The following NUP93 variants were observed in gnomAD, a reference collection of about 807,000 sequenced individuals.
NUP93 encodes nucleoporin 93.
Under a neutral mutation model 107.8 loss-of-function variants are expected in NUP93, and 55 were observed. That is an observed-to-expected ratio of 0.51 (90% CI 0.41 to 0.64). NUP93 has a LOEUF of 0.64. Ranked by LOEUF, NUP93 falls within the 30% of genes least tolerant of loss-of-function variation. The pLI, the probability that NUP93 is intolerant of heterozygous loss-of-function variation, is 0.00. For missense variants in NUP93, 937 were observed against 1,044.7 expected (o/e 0.90, Z 1.42); for synonymous variants, 390 against 397.5 (o/e 0.98, Z 0.22).
At chr16:56,807,000 T>C (rs1337779336) in intron 5 of NUP93, among the ~76,000 whole-genome samples, 1 of 152,212 alleles carries the variant, frequency 6.6e-6, no homozygotes, top group Non-Finnish European at 1.5e-5. Context: ...GTGTCACTTC[T>C]CTGCTCAGAA....
At chr16:56,783,703 T>G (rs1962563047) in intron 3 of NUP93, 1 of 985,262 alleles carries the variant, frequency 1.0e-6, no homozygotes. Context: ...ATGGTCGAGG[T>G]GAGCTGTATT....
rs375202262 is a variant in NUP93 at position 56,830,548 on chromosome 16, T to G, written c.948T>G (p.His316Gln). The G allele has an allele frequency of 1.3e-6, 2 of 1,590,984 alleles. No homozygotes were observed. The highest frequency in any genetic ancestry group is 2.7e-5 in the African/African-American group (2 of 74,526). The change falls in exon 10 of 22, where the codon CAT becomes CAG. Residue 316 changes from histidine to glutamine, a missense_variant. Transcript: ENST00000308159. ...PGLQDGEVEG[H>Q]PVWALIYYCM... ...TTTAGGATGGAGAGGTGGAAGGCCA[T>G]CCTGTGTGGGCGCTAATTTACTACT... is the stretch of plus-strand genomic sequence containing the variant.
At chr16:56,802,971 C>T (rs1474509494) in intron 4 of NUP93, among the ~76,000 whole-genome samples, 3 of 152,064 alleles carry the variant, frequency 2.0e-5, no homozygotes, top group African/African-American at 7.2e-5. Flanking sequence ...TCTCCCACCC[C>T]CTCCCCAGAC....
intron 5 of NUP93, among the ~76,000 whole-genome samples, chr16:56,807,711 A>G (rs1279379697): frequency 1.3e-5 from 2 of 152,078 alleles, no homozygotes; most frequent in African/African-American, 4.8e-5. Context: ...CCCTCTTTTT[A>G]AAATTTAATT....
chr16:56,755,720 C>G (rs1278130938), intron 2 of NUP93, among the ~76,000 whole-genome samples: 1 of 151,980 alleles, frequency 6.6e-6, no homozygotes, highest in Admixed American at 6.5e-5. Flanking sequence ...AGTGAAAATA[C>G]AAAAATTAGC....
chr16:56,744,349 A>G (rs1378397332), intron 1 of NUP93, among the ~76,000 whole-genome samples: 1 of 152,176 alleles, frequency 6.6e-6, no homozygotes, highest in African/African-American at 2.4e-5. Context: ...GGCTAAATTG[A>G]TATTTTGTGG....
Position 56,850,131 on chromosome 16 carries a change from CTG to C in NUP93, c.*5527_*5528del, listed in dbSNP as rs754029764. 3 of 152,092 alleles carry C rather than the reference CTG, an allele frequency of 2.0e-5. No homozygotes were observed. Among genetic ancestry groups the C allele is most frequent in the Non-Finnish European group, 4.4e-5 (3 of 68,048 alleles). The allele number at this position is 152,092 out of a possible 1,614,324, so 9.4% of individuals were successfully genotyped here. On this transcript the variant is annotated 3_prime_UTR_variant, in exon 22 of 22. Coordinates refer to ENST00000308159, the MANE Select transcript of NUP93 (RefSeq NM_014669.5). ...TCTTTTTTGCTTTTCTCGAGTCACT[CTG>C]TGTGGTGCTTGTGGGAGAAGGGAGA... is the stretch of plus-strand genomic sequence containing the variant.
intron 3 of NUP93, chr16:56,782,455 A>C (rs1399705915): frequency 2.6e-5 from 4 of 154,358 alleles, no homozygotes; most frequent in African/African-American, 9.6e-5. Context: ...GTGGGGCAGA[A>C]TTTGCTTAAA....
Position 56,844,890 on chromosome 16 carries a change from T to C in NUP93, c.*281T>C, listed in dbSNP as rs1964097262. 2.5e-6 allele frequency: 1 copy of C among 394,664 alleles called. No individual in the cohort carries two copies. Among genetic ancestry groups the C allele is most frequent in the Non-Finnish European group, 4.5e-6 (1 of 223,976 alleles). The allele number at this position is 394,664 out of a possible 1,614,324, so 24.4% of individuals were successfully genotyped here. The stretch of plus-strand genomic sequence containing the variant: ...CAGGGAATGAGAGGCTATGTAGATA[T>C]TCATTATTTGGTTAAATTGACCTTA... On this transcript the variant is annotated 3_prime_UTR_variant, in exon 22 of 22. Coordinates refer to ENST00000308159, the MANE Select transcript of NUP93 (RefSeq NM_014669.5).
intron 21 of NUP93, among the ~76,000 whole-genome samples, chr16:56,843,994 A>G (rs1303992519): frequency 6.6e-6 from 1 of 152,214 alleles, no homozygotes; most frequent in African/African-American, 2.4e-5. Flanking sequence ...AACAGGAGGA[A>G]TGAAAGGAAG....
chr16:56,774,850 A>G (rs949071863), intron 3 of NUP93, among the ~76,000 whole-genome samples: 1 of 150,350 alleles, frequency 6.7e-6, no homozygotes, highest in Non-Finnish European at 1.5e-5. Flanking sequence ...TAGAAATCAT[A>G]TGTGGGTAGT....
At chr16:56,740,527 T>G (rs1398784302) in intron 1 of NUP93, among the ~76,000 whole-genome samples, 1 of 148,586 alleles carries the variant, frequency 6.7e-6, no homozygotes, top group Non-Finnish European at 1.5e-5. Context: ...GCGGAGACGC[T>G]CCTCACTTTC....
chr16:56,748,990 G>A lies in NUP93; in HGVS notation c.179+564G>A, dbSNP rs181977743. Among the ~76,000 whole-genome samples the A allele has an allele frequency of 2.2e-4, 33 of 152,292 alleles. No individual in the cohort carries two copies. In the East Asian group the frequency reaches 6.0e-3, roughly 28 times the overall value. On this transcript the variant is annotated intron_variant, in intron 2 of 21. Transcript: ENST00000308159. ...CCAGCTGATTGTAGAACAGGAGAGT[G>A]GGTGAGCCCTAAGAGAGTGCAGCTG... is the stretch of plus-strand genomic sequence containing the variant.
chr16:56,801,143 C>T (rs145170805), intron 4 of NUP93, among the ~76,000 whole-genome samples: 39 of 152,326 alleles, frequency 2.6e-4, no homozygotes, highest in Admixed American at 1.4e-3. Context: ...CTGCTTCCCA[C>T]CTCACCTTAG....
Position 56,844,662 on chromosome 16 carries a change from A to G in NUP93, c.*53A>G, listed in dbSNP as rs1302631485. The G allele has an allele frequency of 2.7e-6, 3 of 1,126,704 alleles. No homozygotes were observed. Among genetic ancestry groups the G allele is most frequent in the Non-Finnish European group, 3.8e-6 (3 of 782,982 alleles). 69.8% of individuals were successfully genotyped at this position (1,126,704 alleles called of 1,614,324 possible). On this transcript the variant is annotated 3_prime_UTR_variant, in exon 22 of 22. Coordinates refer to ENST00000308159, the MANE Select transcript of NUP93 (RefSeq NM_014669.5). Reference sequence around the variant, plus strand: ...GGCACACTGTCAGTACATCAGGCACATGGGCCCACTAGGCTGGGGTTTCTG... The same window carrying G: ...GGCACACTGTCAGTACATCAGGCACGTGGGCCCACTAGGCTGGGGTTTCTG...
intron 20 of NUP93, among the ~76,000 whole-genome samples, chr16:56,840,371 C>T (rs570435527): frequency 6.6e-6 from 1 of 152,162 alleles, no homozygotes; most frequent in African/African-American, 2.4e-5. Flanking sequence ...TAAGCTATCA[C>T]CCCATAAGCC....
At chr16:56,769,758 T>C (rs910959776) in intron 3 of NUP93, among the ~76,000 whole-genome samples, 1 of 152,228 alleles carries the variant, frequency 6.6e-6, no homozygotes, top group Non-Finnish European at 1.5e-5. Flanking sequence ...CTAGAAGCAA[T>C]TTAAAGGGCA....
rs758146426 is a variant in NUP93 at position 56,758,476 on chromosome 16, GTCCTAA to G, written c.180-48_180-43del. The G allele has an allele frequency of 2.5e-4, 308 of 1,219,302 alleles. 2 individuals are homozygous for G. The highest frequency in any genetic ancestry group is 1.9e-3 in the South Asian group (155 of 82,896). The allele number at this position is 1,219,302 out of a possible 1,614,324, so 75.5% of individuals were successfully genotyped here. A position where few individuals can be genotyped will look rare whatever the true frequency, so the allele number is the denominator to read the frequency against. On this transcript the variant is annotated intron_variant, in intron 2 of 21. Transcript: ENST00000308159. ...TAGTATTTGATGAAGCATATTAGAT[GTCCTAA>G]TCCTAATCCTAATTTTCCCCTTACT...
intron 2 of NUP93, among the ~76,000 whole-genome samples, chr16:56,749,181 A>AT (rs1177573873): frequency 4.6e-5 from 7 of 152,146 alleles, no homozygotes; most frequent in Non-Finnish European, 8.8e-5. Context: ...GGAGCTTATA[A>AT]TGTGGGGAGT....
Sources: gnomAD v4.1 joint callset for allele counts (sites outside exome capture counted in the v4.1 genomes callset) on GRCh38, gnomAD v4.1.1 for gene constraint, MANE v1.5 for transcripts, NCBI Gene and HGNC (gene_info 2026-07-23, HGNC 2026-07-21) for gene names.